The following NPEPPS variants were observed in gnomAD, a reference collection of about 807,000 sequenced individuals.
NPEPPS encodes the protein puromycin-sensitive aminopeptidase.
In NPEPPS, 14 loss-of-function variants were observed where a neutral mutation model predicts 115.5. That is an observed-to-expected ratio of 0.12 (90% CI 0.08 to 0.19). NPEPPS has a LOEUF of 0.19. NPEPPS is among the 10% of genes least tolerant of loss of function. NPEPPS has a pLI of 1.00. For synonymous variants in NPEPPS, 285 were observed against 390.6 expected, an observed-to-expected ratio of 0.73 and a Z score of 3.19; for missense variants, 523 against 1,110.8, an observed-to-expected ratio of 0.47 and a Z score of 7.52.
intron 9 of NPEPPS, among the ~76,000 whole-genome samples, chr17:47,589,293 T>C (rs1344384154): frequency 1.3e-5 from 2 of 152,206 alleles, no homozygotes; most frequent in African/African-American, 4.8e-5. Context: ...TCTCACTTTG[T>C]CACCCAAGCC....
chr17:47,568,845 G>T (rs1161664318), intron 2 of NPEPPS, among the ~76,000 whole-genome samples: 1 of 151,376 alleles, frequency 6.6e-6, no homozygotes, highest in Non-Finnish European at 1.5e-5. Flanking sequence ...AGTAGAGACG[G>T]GGTTTCTCCG....
At chr17:47,571,214 C>G (rs994900309) in intron 3 of NPEPPS, among the ~76,000 whole-genome samples, 1 of 152,080 alleles carries the variant, frequency 6.6e-6, no homozygotes, top group Non-Finnish European at 1.5e-5. Flanking sequence ...TGAATCATGT[C>G]TCTAAATGGC....
intron 17 of NPEPPS, among the ~76,000 whole-genome samples, chr17:47,610,604 G>C (rs1411818709): frequency 6.6e-6 from 1 of 151,700 alleles, no homozygotes; most frequent in Non-Finnish European, 1.5e-5. Flanking sequence ...GGATGGTCTC[G>C]AGCTGTTGAC....
At chr17:47,575,776 G>A (rs2143822242) in intron 3 of NPEPPS, among the ~76,000 whole-genome samples, 1 of 151,570 alleles carries the variant, frequency 6.6e-6, no homozygotes, top group East Asian at 1.9e-4. Context: ...AGCTAATTTT[G>A]TTTTTGTATT....
intron 3 of NPEPPS, among the ~76,000 whole-genome samples, chr17:47,574,806 G>C (rs1382840158): frequency 1.3e-5 from 2 of 151,942 alleles, no homozygotes; most frequent in Non-Finnish European, 2.9e-5. Context: ...TGCCTAGGCT[G>C]GTCTCAAATG....
chr17:47,533,632 AG>A (rs1294269814), intron 1 of NPEPPS, among the ~76,000 whole-genome samples: 2 of 152,166 alleles, frequency 1.3e-5, no homozygotes, highest in Non-Finnish European at 2.9e-5. Context: ...TTATTAAAGA[AG>A]TGAGTTTGAT....
intron 2 of NPEPPS, among the ~76,000 whole-genome samples, chr17:47,565,907 C>T (rs1024766814): frequency 2.6e-5 from 4 of 152,170 alleles, no homozygotes; most frequent in Admixed American, 1.3e-4. Flanking sequence ...CAGATGCAGA[C>T]ACCCTGGGGT....
chr17:47,615,390 ATAAAAGT>A (rs1345658340), intron 19 of NPEPPS, among the ~76,000 whole-genome samples: 3 of 152,114 alleles, frequency 2.0e-5, no homozygotes, highest in Non-Finnish European at 4.4e-5. Flanking sequence ...TTCTAAGAAT[ATAAAAGT>A]TATATTTGGG....
chr17:47,533,589 T>C (rs1907982165), intron 1 of NPEPPS, among the ~76,000 whole-genome samples: 1 of 152,114 alleles, frequency 6.6e-6, no homozygotes. Flanking sequence ...TTGGGAAAAG[T>C]CTAGAAAAAA....
intron 20 of NPEPPS, among the ~76,000 whole-genome samples, 155 bp from the exon 21 acceptor site, chr17:47,618,854 T>C (rs1268853401): frequency 6.6e-6 from 1 of 152,228 alleles, no homozygotes; most frequent in Non-Finnish European, 1.5e-5. Flanking sequence ...GCTTAAACAT[T>C]ATCTTCTTTG....
At chr17:47,576,780 A>C (rs1037850948) in intron 3 of NPEPPS, among the ~76,000 whole-genome samples, 8 of 152,180 alleles carry the variant, frequency 5.3e-5, no homozygotes, top group Non-Finnish European at 1.2e-4. Flanking sequence ...ATTGGATATG[A>C]AATAAGGTAT....
intron 15 of NPEPPS, among the ~76,000 whole-genome samples, chr17:47,602,336 A>G (rs1192137743): frequency 2.0e-5 from 3 of 152,054 alleles, no homozygotes; most frequent in Non-Finnish European, 2.9e-5. Context: ...TTTTTAAAAA[A>G]AAGCCCGCCG....
rs766251900 is a variant in NPEPPS, at chr17:47,590,742, A to G, written c.1121A>G (p.Asn374Ser). Reference sequence around the variant, plus strand: ...GAATGGTGGACTCATCTTTGGTTAAATGAAGGTTTTGCATCCTGGATTGAA... The same window carrying G: ...GAATGGTGGACTCATCTTTGGTTAAGTGAAGGTTTTGCATCCTGGATTGAA... ...TMEWWTHLWL[N>S]EGFASWIEYL... The change falls in exon 10 of 23, where the codon AAT becomes AGT. Residue 374 changes from asparagine to serine, a missense_variant. Around this residue, in one of 4 missense-constraint regions of NPEPPS, gnomAD observed 144 missense variants for 512.4 expected, o/e 0.28. Coordinates refer to ENST00000322157, the MANE Select transcript of NPEPPS (RefSeq NM_006310.4). 18 of 1,599,238 alleles carry G rather than the reference A, an allele frequency of 1.1e-5. No individual in the cohort carries two copies. The highest frequency in any genetic ancestry group is 1.5e-5 in the Non-Finnish European group (18 of 1,175,278).
chr17:47,573,893 T>TA (rs972547446), intron 3 of NPEPPS, among the ~76,000 whole-genome samples: 1 of 152,316 alleles, frequency 6.6e-6, no homozygotes, highest in Non-Finnish European at 1.5e-5. Context: ...TAAAAAATTT[T>TA]AGAGTTTTAA....
intron 2 of NPEPPS, among the ~76,000 whole-genome samples, chr17:47,552,897 G>GT (rs1395291914): frequency 3.3e-5 from 5 of 152,182 alleles, no homozygotes; most frequent in African/African-American, 1.2e-4. Context: ...TAGGCACAGA[G>GT]AGGGTATCTA....
At chr17:47,610,401 G>T (rs10163469) in intron 17 of NPEPPS, among the ~76,000 whole-genome samples, 60 of 150,782 alleles carry the variant, frequency 4.0e-4, no homozygotes, top group African/African-American at 1.4e-3. Flanking sequence ...TTTTGGGGGG[G>T]GGTAACAGAG....
chr17:47,622,707 ATACAT>A lies in NPEPPS; in HGVS notation c.*790_*794del. ...GCCACATTAAATAAGAGAAACTGAT[ATACAT>A]TATTTTTTTCTTTTTAAAGATGACT... On this transcript the variant is annotated 3_prime_UTR_variant, in exon 23 of 23. Transcript: ENST00000322157. 2 of 387,952 alleles carry A rather than the reference ATACAT, an allele frequency of 5.2e-6. No homozygotes were observed. The highest frequency in any genetic ancestry group is 9.8e-6 in the Non-Finnish European group (2 of 204,948). The allele number at this position is 387,952 out of a possible 1,614,324, so 24.0% of individuals were successfully genotyped here.
chr17:47,592,946 G>A (rs4793836), intron 12 of NPEPPS, among the ~76,000 whole-genome samples: 60,550 of 151,388 alleles, frequency 0.4, 13,001 homozygotes, highest in East Asian at 0.55. Context: ...GATGTTCCCC[G>A]CCCTGTGTTC....
intron 2 of NPEPPS, among the ~76,000 whole-genome samples, chr17:47,549,062 A>G (rs938537514): frequency 1.3e-5 from 2 of 151,966 alleles, no homozygotes; most frequent in African/African-American, 2.4e-5. Context: ...TATATATTCA[A>G]TGCTGGGTGC....
Sources: gnomAD v4.1 joint callset for allele counts (sites outside exome capture counted in the v4.1 genomes callset) on GRCh38, gnomAD v4.1.1 for gene constraint, gnomAD v4.1.1 regional missense constraint, MANE v1.5 for transcripts, NCBI Gene and HGNC (gene_info 2026-07-23, HGNC 2026-07-21) for gene names.